The following PPP2R3B variants were observed in gnomAD, a reference collection of about 807,000 sequenced individuals.
The protein encoded by PPP2R3B is protein phosphatase 2 regulatory subunit B''beta.
A neutral mutation model predicts 72.9 loss-of-function variants in PPP2R3B; 68 were observed. The ratio of observed to expected loss-of-function variants is 0.93; its 90% CI spans 0.77 to 1.14. The LOEUF (loss-of-function observed/expected upper bound fraction) is 1.14. Ranked by LOEUF, PPP2R3B falls within the 50% of genes most tolerant of loss-of-function variation. The pLI is 0.00. For synonymous variants in PPP2R3B, 466 were observed against 375.8 expected, an observed-to-expected ratio of 1.24 and a Z score of -2.78; for missense variants, 1,018 against 842.0, an observed-to-expected ratio of 1.21 and a Z score of -2.59.
In PPP2R3B at chrX:334,315, CCGGTGGTGGCA is replaced by C. The variant is rs1222053039; in HGVS notation, c.*41_*51del. ...CAGTTTTTACACGAGCCGCGGTGGC[CCGGTGGTGGCA>C]CGTGGGGAGCGGCCCCGCGGCGGCG... On this transcript the variant is annotated 3_prime_UTR_variant, in exon 13 of 13. Transcript: ENST00000390665. The C allele has an allele frequency of 7.0e-6, 10 of 1,431,670 alleles. No individual in the cohort carries two copies. In the African/African-American group the frequency reaches 1.4e-4, roughly 19 times the overall value. The allele number at this position is 1,431,670 out of a possible 1,614,324, so 88.7% of individuals were successfully genotyped here.
intron 2 of PPP2R3B, chrX:359,750 G>A: frequency 2.2e-6 from 1 of 454,992 alleles, no homozygotes; most frequent in Non-Finnish European, 4.3e-6. Context: ...AAGTATGTAT[G>A]TTCATACTCA....
At chrX:341,128 A>C (rs746605832) in intron 9 of PPP2R3B, among the ~76,000 whole-genome samples, 179 bp downstream of exon 9, 4 of 9,278 alleles carry the variant, frequency 4.3e-4, no homozygotes, top group Non-Finnish European at 5.4e-4. Context: ...TGTGCCGTGC[A>C]GCCCCCACCA....
At chrX:383,827 G>C (rs2072179090) in intron 1 of PPP2R3B, among the ~76,000 whole-genome samples, 2 of 99,180 alleles carry the variant, frequency 2.0e-5, no homozygotes, top group African/African-American at 8.1e-5. Context: ...GACAGAGCGA[G>C]ACTCCGTCTC....
At chrX:368,705 G>A (rs1279225559) in intron 1 of PPP2R3B, among the ~76,000 whole-genome samples, 2 of 95,156 alleles carry the variant, frequency 2.1e-5, no homozygotes, top group East Asian at 3.3e-4. Context: ...CCTGGGCACC[G>A]ACGGGGGGAA....
chrX:353,622 A>G (rs2071373483), intron 2 of PPP2R3B, among the ~76,000 whole-genome samples: 1 of 152,392 alleles, frequency 6.6e-6, no homozygotes, highest in South Asian at 2.1e-4. Context: ...AAGCTATCAC[A>G]AGAAAAGGAG....
Position 361,443 on chromosome X carries a change from CG to C in PPP2R3B, c.471del (p.His157GlnfsTer66). On this transcript the variant is annotated frameshift_variant, in exon 2 of 13. Transcript: ENST00000390665. LOFTEE classifies it high-confidence loss of function. The stretch of plus-strand genomic sequence containing the variant: ...CCCATGTCATCCATGGTGGCCCTCT[CG>C]TGGGGGAACCGGGCGAAGGTGCTCT... ...KIESTFARFP[H>X]ERATMDDMGL... The C allele has an allele frequency of 1.2e-6, 2 of 1,613,978 alleles. No homozygotes were observed. Among genetic ancestry groups the C allele is most frequent in the Non-Finnish European group, 1.7e-6 (2 of 1,179,846 alleles).
intron 1 of PPP2R3B, among the ~76,000 whole-genome samples, chrX:364,820 T>G (rs375922595): frequency 0.012 from 507 of 40,608 alleles, 5 homozygotes; most frequent in Admixed American, 0.014. Flanking sequence ...GAGGCGGAGG[T>G]TGCAGTGAGC....
chrX:385,817 ACGT>A (rs1325689361), intron 1 of PPP2R3B, among the ~76,000 whole-genome samples: 4 of 151,952 alleles, frequency 2.6e-5, no homozygotes, highest in African/African-American at 9.7e-5. Flanking sequence ...GCAGTGACTC[ACGT>A]CTGAAATCCC....
chrX:341,518 C>G (rs758800023), intron 8 of PPP2R3B, 122 bp from the exon 9 acceptor site: 3 of 954,828 alleles, frequency 3.1e-6, no homozygotes, highest in Non-Finnish European at 5.0e-6. Context: ...CCTCCTGCCC[C>G]CCTCCTGCCC....
chrX:386,870 G>C lies in PPP2R3B; in HGVS notation c.-179C>G. On this transcript the variant is annotated 5_prime_UTR_variant, in exon 1 of 13. Transcript: ENST00000390665. ...ACTCGCGGGGCGCGGGGACCGAGGA[G>C]GGGGCGCGGTCCGGCCCGCGCTGCT... is the stretch of plus-strand genomic sequence containing the variant. 1 of 222,536 alleles carries C rather than the reference G, an allele frequency of 4.5e-6. No homozygotes were observed. 13.8% of individuals were successfully genotyped at this position (222,536 alleles called of 1,614,324 possible). A position where few individuals can be genotyped will look rare whatever the true frequency, so the allele number is the denominator to read the frequency against.
At chrX:340,550 G>A (rs1410472285) in intron 10 of PPP2R3B, among the ~76,000 whole-genome samples, 10 of 112,094 alleles carry the variant, frequency 8.9e-5, no homozygotes, top group Non-Finnish European at 1.4e-4. Flanking sequence ...ACCCTGGGCC[G>A]TCCCCCCTCC....
intron 2 of PPP2R3B, among the ~76,000 whole-genome samples, chrX:357,750 T>C (rs1200461810): frequency 6.6e-6 from 1 of 152,046 alleles, no homozygotes; most frequent in Non-Finnish European, 1.5e-5. Context: ...AAGAGAAAAG[T>C]GTGTTTTCCT....
In PPP2R3B at chrX:345,425, C is replaced by CG. The variant is rs774780516; in HGVS notation, c.1036+90dup. On this transcript the variant is annotated intron_variant, in intron 7 of 12. Coordinates refer to ENST00000390665, the MANE Select transcript of PPP2R3B (RefSeq NM_013239.5). Reference sequence around the variant, plus strand: ...AGCTGCAGACACAGAGCTGGGAGTGCGGAAGGAGAGGCAGCTGCAGACCCG... The same window carrying CG: ...AGCTGCAGACACAGAGCTGGGAGTGCGGGAAGGAGAGGCAGCTGCAGACCCG... The CG allele has an allele frequency of 2.0e-6, 3 of 1,533,546 alleles. No individual in the cohort carries two copies. In the East Asian group the frequency reaches 7.0e-5, roughly 36 times the overall value. The allele number at this position is 1,533,546 out of a possible 1,614,324, so 95.0% of individuals were successfully genotyped here.
rs750930622 is a variant in PPP2R3B at position 368,672 on chromosome X, G to A, written c.325-7082C>T. Among the ~76,000 whole-genome samples the A allele has an allele frequency of 3.3e-5, 3 of 89,592 alleles. No individual in the cohort carries two copies. The South Asian group carries it at 1.1e-3, about 33-fold the overall frequency. 58.8% of individuals were successfully genotyped at this position (89,592 alleles called of 152,430 possible). On this transcript the variant is annotated intron_variant, in intron 1 of 12. Coordinates refer to ENST00000390665, the MANE Select transcript of PPP2R3B (RefSeq NM_013239.5). ...GGACCACCCACCCTGGGCACCGACC[G>A]GGGGAAGGCCGGGACCACCCACCCT...
At position 334,292 on chromosome X, in the gene PPP2R3B, G is replaced by A. The variant is rs111452555; in HGVS notation, c.*75C>T. On this transcript the variant is annotated 3_prime_UTR_variant, in exon 13 of 13. Transcript: ENST00000390665. ...ACAAACGCACTCATTTTCCACAACAGTTTTTACACGAGCCGCGGTGGCCCG... is the reference window on the plus strand; with the variant it reads ...ACAAACGCACTCATTTTCCACAACAATTTTTACACGAGCCGCGGTGGCCCG... 3,370 of 1,395,868 alleles carry A rather than the reference G, an allele frequency of 2.4e-3. 69 individuals carry two copies. In the African/African-American group the frequency reaches 0.045, roughly 19 times the overall value. 86.5% of individuals were successfully genotyped at this position (1,395,868 alleles called of 1,614,324 possible).
Position 380,852 on chromosome X carries a change from A to G in PPP2R3B, c.324+5516T>C, listed in dbSNP as rs147963545. Among the ~76,000 whole-genome samples, 96 of 149,796 alleles carry G rather than the reference A, an allele frequency of 6.4e-4. 1 individual carries two copies. The East Asian group carries it at 0.016, about 24-fold the overall frequency. ...GAGGTTCTTAATTCCCCTTGTAAGA[A>G]CTTACTTTAAAGATGCATTTAGGGT... On this transcript the variant is annotated intron_variant, in intron 1 of 12. Coordinates refer to ENST00000390665, the MANE Select transcript of PPP2R3B (RefSeq NM_013239.5).
At position 361,478 on chromosome X, in the gene PPP2R3B, C is replaced by A; in HGVS notation, c.437G>T (p.Ser146Ile). ...CCGGGCGAAGGTGCTCTCGATCTTG[C>A]TGATGACGGCATCCACGTTGACGGA... ...QDSVNVDAVI[S>I]KIESTFARFP... The change falls in exon 2 of 13, where the codon AGC becomes ATC. Residue 146 changes from serine to isoleucine, a missense_variant. Transcript: ENST00000390665. 1 of 1,614,008 alleles carries A rather than the reference C, an allele frequency of 6.2e-7. No individual in the cohort carries two copies. Among genetic ancestry groups the A allele is most frequent in the Non-Finnish European group, 8.5e-7 (1 of 1,179,872 alleles).
chrX:364,147 C>G (rs1243469119), intron 1 of PPP2R3B, among the ~76,000 whole-genome samples: 2 of 152,228 alleles, frequency 1.3e-5, no homozygotes, highest in Non-Finnish European at 2.9e-5. Flanking sequence ...GAAGAGGAGG[C>G]AAAACGCAGG....
At chrX:375,410 C>G (rs1039104387) in intron 1 of PPP2R3B, among the ~76,000 whole-genome samples, 1 of 141,168 alleles carries the variant, frequency 7.1e-6, no homozygotes, top group Non-Finnish European at 1.5e-5. Context: ...ACCCACGATG[C>G]AGGATGCAAA....
Sources: gnomAD v4.1 joint callset for allele counts (sites outside exome capture counted in the v4.1 genomes callset) on GRCh38, gnomAD v4.1.1 for gene constraint, MANE v1.5 for transcripts, NCBI Gene and HGNC (gene_info 2026-07-23, HGNC 2026-07-21) for gene names.